AUTS2: variants seen among roughly 807,000 people sequenced by gnomAD.
The protein encoded by AUTS2 is activator of transcription and developmental regulator AUTS2, also known as autism susceptibility gene 2 protein.
In AUTS2, 17 loss-of-function variants were observed where a neutral mutation model predicts 112.4. The ratio of observed to expected loss-of-function variants is 0.15; its 90% confidence interval spans 0.10 to 0.23. AUTS2 has a LOEUF of 0.23. Ranked by LOEUF, AUTS2 falls within the 10% of genes least tolerant of loss-of-function variation. AUTS2 has a pLI of 1.00. For missense variants in AUTS2, 1,510 were observed against 1,701.6 expected (o/e 0.89, Z 1.98); for synonymous variants, 751 against 702.7 (o/e 1.07, Z -1.09).
chr7:70,750,450 C>A (rs1788742134), intron 6 of AUTS2, among the ~76,000 whole-genome samples: 1 of 80,218 alleles, frequency 1.2e-5, no homozygotes. Flanking sequence ...TCAGCCTCCA[C>A]CTCCCAGGCT....
At chr7:69,876,370 A>G (rs1175356313) in intron 1 of AUTS2, among the ~76,000 whole-genome samples, 1 of 116,520 alleles carries the variant, frequency 8.6e-6, no homozygotes, top group Non-Finnish European at 1.7e-5. Context: ...ATATATATAT[A>G]TATATATATA....
intron 6 of AUTS2, among the ~76,000 whole-genome samples, chr7:70,732,598 T>C (rs11764092): frequency 6.6e-6 from 1 of 151,918 alleles, no homozygotes; most frequent in Non-Finnish European, 1.5e-5. Context: ...TCCTTATCGT[T>C]TTGACTCTTC....
intron 5 of AUTS2, among the ~76,000 whole-genome samples, chr7:70,563,100 G>T (rs138918873): frequency 5.3e-5 from 8 of 152,092 alleles, no homozygotes; most frequent in African/African-American, 1.9e-4. Context: ...ATGTAAAGAT[G>T]GAATAGACTG....
rs181101719 is a variant in AUTS2, at chr7:70,754,364, C to T, written c.743-8506C>T. Among the ~76,000 whole-genome samples, 58 of 152,176 alleles carry T rather than the reference C, an allele frequency of 3.8e-4. 2 individuals are homozygous for T. In the East Asian group the frequency reaches 8.9e-3, roughly 23 times the overall value. Reference sequence around the variant, plus strand: ...AATTAACCAGCATGGTGGCACATGCCTCAGCCTCCCAGCTACTTGGAGACT... The same window carrying T: ...AATTAACCAGCATGGTGGCACATGCTTCAGCCTCCCAGCTACTTGGAGACT... On this transcript the variant is annotated intron_variant, in intron 6 of 18. Transcript: ENST00000342771.
At chr7:69,650,262 C>G (rs2129131865) in intron 1 of AUTS2, among the ~76,000 whole-genome samples, 1 of 152,220 alleles carries the variant, frequency 6.6e-6, no homozygotes, top group East Asian at 1.9e-4. Context: ...GGGAAAGATG[C>G]TTGCTGAGGG....
chr7:70,774,175 C>T (rs569973325), intron 12 of AUTS2, 76 bp downstream of exon 12: 10 of 1,359,684 alleles, frequency 7.4e-6, no homozygotes, highest in Middle Eastern at 2.1e-4. Flanking sequence ...GCCCAGTGCT[C>T]GCATCTTCCT....
At chr7:69,919,614 A>G (rs934305154) in intron 2 of AUTS2, among the ~76,000 whole-genome samples, 2 of 152,152 alleles carry the variant, frequency 1.3e-5, no homozygotes, top group Non-Finnish European at 2.9e-5. Context: ...TAAAGTTTCT[A>G]CCTTGCTGCT....
intron 3 of AUTS2, among the ~76,000 whole-genome samples, chr7:70,124,594 C>T (rs1307359478): frequency 2.7e-5 from 4 of 150,738 alleles, no homozygotes; most frequent in East Asian, 1.9e-4. Context: ...GATGGTGTCT[C>T]GCTCCGTCAC....
At chr7:70,136,786 T>C (rs1198680589) in intron 4 of AUTS2, among the ~76,000 whole-genome samples, 1 of 152,212 alleles carries the variant, frequency 6.6e-6, no homozygotes, top group African/African-American at 2.4e-5. Context: ...AATTCTGGTG[T>C]AAGAAAGCTG....
chr7:69,727,666 G>C (rs1288116845), intron 1 of AUTS2, among the ~76,000 whole-genome samples: 2 of 152,128 alleles, frequency 1.3e-5, no homozygotes, highest in Non-Finnish European at 2.9e-5. Context: ...TCTGGACTCT[G>C]TGTTCTGCTT....
chr7:70,649,822 C>T (rs77393802), intron 5 of AUTS2, among the ~76,000 whole-genome samples: 11,524 of 152,094 alleles, frequency 0.076, 568 homozygotes, highest in South Asian at 0.14. Flanking sequence ...CCACCGCACC[C>T]GGCCCCAGTG....
At chr7:70,654,740 G>C (rs988739705) in intron 5 of AUTS2, among the ~76,000 whole-genome samples, 2 of 152,164 alleles carry the variant, frequency 1.3e-5, no homozygotes, top group Non-Finnish European at 2.9e-5. Flanking sequence ...ATTTGATGAA[G>C]TACCTTGTCT....
chr7:69,953,853 G>A (rs1797118848), intron 2 of AUTS2, among the ~76,000 whole-genome samples: 1 of 152,158 alleles, frequency 6.6e-6, no homozygotes, highest in African/African-American at 2.4e-5. Flanking sequence ...AACAAGAGTT[G>A]TTTGGGCCCT....
intron 5 of AUTS2, among the ~76,000 whole-genome samples, chr7:70,506,055 C>CAGAGCACT (rs1418361808): frequency 6.6e-6 from 1 of 152,208 alleles, no homozygotes; most frequent in East Asian, 1.9e-4. Context: ...ATCTCAGGCA[C>CAGAGCACT]AGAGCACTGG....
chr7:70,026,498 T>C (rs1038527749), intron 2 of AUTS2, among the ~76,000 whole-genome samples: 2 of 152,180 alleles, frequency 1.3e-5, no homozygotes, highest in African/African-American at 2.4e-5. Context: ...CAAGGCCTAA[T>C]TGGAGATCTA....
chr7:70,367,239 G>A (rs939635757), intron 4 of AUTS2, among the ~76,000 whole-genome samples: 2 of 152,082 alleles, frequency 1.3e-5, no homozygotes, highest in Admixed American at 6.6e-5. Flanking sequence ...CTCCAGCCTG[G>A]GTAACAGAGC....
At chr7:69,660,003 T>C (rs118051375) in intron 1 of AUTS2, among the ~76,000 whole-genome samples, 185 of 152,360 alleles carry the variant, frequency 1.2e-3, no homozygotes, top group Non-Finnish European at 2.4e-3. Context: ...CTTCAGAGGA[T>C]AAAAACTAGA....
rs1359823967 is a variant in AUTS2, at chr7:69,996,626, G to A, written c.522+97128G>A. 2.6e-5 allele frequency among the ~76,000 whole-genome samples: 4 copies of A among 151,730 alleles called. No individual in the cohort carries two copies. In the East Asian group the frequency reaches 5.8e-4, roughly 22 times the overall value. Reference sequence around the variant, plus strand: ...ATTTTCTCCTTATCTTCTTACTCTCGCCCACCCGCTTCCCTTTCCTTCCGT... The same window carrying A: ...ATTTTCTCCTTATCTTCTTACTCTCACCCACCCGCTTCCCTTTCCTTCCGT... On this transcript the variant is annotated intron_variant, in intron 2 of 18. Coordinates refer to ENST00000342771, the MANE Select transcript of AUTS2 (RefSeq NM_015570.4).
chr7:69,789,722 T>G (rs1470832682), intron 1 of AUTS2, among the ~76,000 whole-genome samples: 1 of 152,120 alleles, frequency 6.6e-6, no homozygotes. Flanking sequence ...ACGTTAAGAT[T>G]CCTTTTGGAA....
Sources: gnomAD v4.1 joint callset for allele counts (sites outside exome capture counted in the v4.1 genomes callset) on GRCh38, gnomAD v4.1.1 for gene constraint, MANE v1.5 for transcripts, NCBI Gene and HGNC (gene_info 2026-07-23, HGNC 2026-07-21) for gene names.